GSDME: variants seen among roughly 807,000 people sequenced by gnomAD.
GSDME encodes gasdermin E, also known as gasdermin-E.
A neutral mutation model predicts 47.5 loss-of-function variants in GSDME; 44 were observed. That is an observed-to-expected ratio of 0.93 (90% CI 0.73 to 1.19). GSDME has a LOEUF of 1.19. Ranked by LOEUF, GSDME falls within the 50% of genes most tolerant of loss-of-function variation. The probability of loss-of-function intolerance (pLI) is 0.00; values close to 1 mark genes in which losing one functional copy is unlikely to be tolerated. For missense variants in GSDME, 663 were observed against 604.2 expected, an observed-to-expected ratio of 1.10 and a Z score of -1.02; for synonymous variants, 258 against 252.8, an observed-to-expected ratio of 1.02 and a Z score of -0.20.
chr7:24,722,882 C>T (rs1789840784), intron 3 of GSDME, among the ~76,000 whole-genome samples: 1 of 152,216 alleles, frequency 6.6e-6, no homozygotes, highest in African/African-American at 2.4e-5. Context: ...GAGTCGCTGC[C>T]TTCAAAAGGT....
intron 7 of GSDME, 189 bp downstream of exon 7, chr7:24,707,938 T>G: frequency 3.0e-6 from 2 of 658,640 alleles, no homozygotes; most frequent in South Asian, 4.1e-5. Context: ...CCTAGGAAAT[T>G]AACACCTCCC....
At position 24,742,029 on chromosome 7, in the gene GSDME, T is replaced by C. The variant is rs1562711090; in HGVS notation, c.404+2533A>G. ...TCTGGTGGCACCACTCCCCAGGGCA[T>C]CCCTTCCCCCATCACCACTACAAGT... On this transcript the variant is annotated intron_variant, in intron 3 of 9. Transcript: ENST00000645220. This position sits in a 1 kb window ranked among gnomAD's most constrained non-coding sequence, Gnocchi z 4.4. Among the ~76,000 whole-genome samples the C allele has an allele frequency of 6.6e-6, 1 of 152,114 alleles. No homozygotes were observed. Among genetic ancestry groups the C allele is most frequent in the Non-Finnish European group, 1.5e-5 (1 of 68,022 alleles).
chr7:24,772,415 TG>T, the GSDME span, among the ~76,000 whole-genome samples: 5 of 152,252 alleles, frequency 3.3e-5, no homozygotes, highest in African/African-American at 1.2e-4. This position sits in a 1 kb window ranked among gnomAD's most constrained non-coding sequence, Gnocchi z 4.5. Flanking sequence ...ATTGTGTGTT[TG>T]TTTACTGTCT....
At chr7:24,706,400 G>A (rs542211346) in intron 7 of GSDME, 24 bp from the exon 8 acceptor site, 5 of 1,608,210 alleles carry the variant, frequency 3.1e-6, no homozygotes, top group African/African-American at 1.3e-5. Flanking sequence ...AAGAAGAAGG[G>A]TCATGACACA....
chr7:24,779,977 G>A, the GSDME span, among the ~76,000 whole-genome samples: 1 of 152,280 alleles, frequency 6.6e-6, no homozygotes, highest in Non-Finnish European at 1.5e-5. This position sits in a 1 kb window ranked among gnomAD's most constrained non-coding sequence, Gnocchi z 6.0. Flanking sequence ...CAGGAATGCT[G>A]TCTAGGCTCA....
chr7:24,787,126 C>T, the GSDME span, among the ~76,000 whole-genome samples: 1 of 152,134 alleles, frequency 6.6e-6, no homozygotes, highest in African/African-American at 2.4e-5. The surrounding 1 kb of genome is among the most constrained non-coding windows in gnomAD (Gnocchi z 5.0). Context: ...TGAGGAAACA[C>T]GAGATACTGT....
rs1790642499 is a variant in GSDME, at chr7:24,745,544, C to A, written c.212-790G>T. Reference sequence around the variant, plus strand: ...AAATGATAAATGTCTGATCTCATATCTGAACTGTCAGCCTTCTCACATCTC... The same window carrying A: ...AAATGATAAATGTCTGATCTCATATATGAACTGTCAGCCTTCTCACATCTC... On this transcript the variant is annotated intron_variant, in intron 2 of 9. Coordinates refer to ENST00000645220, the MANE Select transcript of GSDME (RefSeq NM_001127453.2). This position sits in a 1 kb window ranked among gnomAD's most constrained non-coding sequence, Gnocchi z 4.4. Among the ~76,000 whole-genome samples the A allele has an allele frequency of 6.6e-6, 1 of 152,192 alleles. No individual in the cohort carries two copies. Among genetic ancestry groups the A allele is most frequent in the Admixed American group, 6.5e-5 (1 of 15,284 alleles).
intron 5 of GSDME, among the ~76,000 whole-genome samples, chr7:24,715,126 C>T (rs1789499916): frequency 1.3e-5 from 2 of 152,202 alleles, no homozygotes; most frequent in Admixed American, 1.3e-4. Flanking sequence ...ATGCATATCA[C>T]ATGGTCTTCC....
At chr7:24,763,333 G>A in the GSDME span, among the ~76,000 whole-genome samples, 1 of 151,444 alleles carries the variant, frequency 6.6e-6, no homozygotes, top group Non-Finnish European at 1.5e-5. This position sits in a 1 kb window ranked among gnomAD's most constrained non-coding sequence, Gnocchi z 4.3. Context: ...TCACTTTACA[G>A]CTTCTCTTTG....
intron 3 of GSDME, among the ~76,000 whole-genome samples, chr7:24,719,770 G>C (rs185676157): frequency 6.6e-6 from 1 of 151,912 alleles, no homozygotes; most frequent in East Asian, 1.9e-4. Flanking sequence ...TCCAGCCAGG[G>C]CAACAGAGCA....
Position 24,749,629 on chromosome 7 carries a change from G to T in GSDME, c.146C>A (p.Pro49His). ...GGTGAGGGATAAAAACTGGTACTTG[G>T]GTCTCTGCCAGCACCAGAATCTCTT... ...KKKRFWCWQRPKYQFLSLTLG... is the reference protein window; with the variant it reads ...KKKRFWCWQRHKYQFLSLTLG... Residue 49 changes from proline (P) to histidine (H), a missense_variant, in exon 2 of 10, where the codon CCC (proline) becomes CAC (histidine). Pro to His is a moderately conservative substitution (Grantham distance 77). Coordinates refer to ENST00000645220, the MANE Select transcript of GSDME (RefSeq NM_001127453.2). 6.2e-7 allele frequency: 1 copy of T among 1,613,980 alleles called. No homozygotes were observed. The highest frequency in any genetic ancestry group is 8.5e-7 in the Non-Finnish European group (1 of 1,180,010).
At chr7:24,708,902 G>GT (rs903975498) in intron 6 of GSDME, among the ~76,000 whole-genome samples, 1 of 151,864 alleles carries the variant, frequency 6.6e-6, no homozygotes, top group African/African-American at 2.4e-5. Flanking sequence ...TTGTTTTTTG[G>GT]TTTTTTTGTT....
At chr7:24,768,903 T>A in the GSDME span, among the ~76,000 whole-genome samples, 1 of 152,240 alleles carries the variant, frequency 6.6e-6, no homozygotes, top group Non-Finnish European at 1.5e-5. The surrounding 1 kb of genome is among the most constrained non-coding windows in gnomAD (Gnocchi z 5.6). Flanking sequence ...CTCAACACAT[T>A]CATTGAGCCC....
the GSDME span, among the ~76,000 whole-genome samples, chr7:24,777,633 A>G: frequency 7.0e-6 from 1 of 141,998 alleles, no homozygotes; most frequent in Admixed American, 7.1e-5. Flanking sequence ...AGCTTAGCTC[A>G]AGTGTTCTTC....
chr7:24,763,252 G>C, the GSDME span, among the ~76,000 whole-genome samples: 1 of 152,038 alleles, frequency 6.6e-6, no homozygotes. This position sits in a 1 kb window ranked among gnomAD's most constrained non-coding sequence, Gnocchi z 4.3. Context: ...AGAGAGATTT[G>C]GTTCTTGAAA....
rs1790633887 is a variant in GSDME at position 24,745,298 on chromosome 7, G to T, written c.212-544C>A. On this transcript the variant is annotated intron_variant, in intron 2 of 9. Coordinates refer to ENST00000645220, the MANE Select transcript of GSDME (RefSeq NM_001127453.2). This position sits in a 1 kb window ranked among gnomAD's most constrained non-coding sequence, Gnocchi z 4.4. ...CCCTATTCTGGATGCACCGCGAGAG[G>T]ACAGCCTTCCTTGGCCACCTAGGCC... Among the ~76,000 whole-genome samples the T allele has an allele frequency of 6.6e-6, 1 of 152,106 alleles. No individual in the cohort carries two copies. Among genetic ancestry groups the T allele is most frequent in the South Asian group, 2.1e-4 (1 of 4,822 alleles).
At chr7:24,781,369 C>T in the GSDME span, among the ~76,000 whole-genome samples, 11 of 152,260 alleles carry the variant, frequency 7.2e-5, no homozygotes, top group South Asian at 2.1e-4. Flanking sequence ...AGTAAGTGCA[C>T]GTGGGGAAGC....
chr7:24,699,573 C>G (rs746472810), intron 9 of GSDME, among the ~76,000 whole-genome samples: 17 of 152,184 alleles, frequency 1.1e-4, no homozygotes, highest in Non-Finnish European at 2.2e-4. Flanking sequence ...TTCCTGACCT[C>G]AGGTGATCTG....
chr7:24,708,314 C>T (rs1265475231), intron 6 of GSDME, 60 bp from the exon 7 acceptor site: 96 of 1,602,694 alleles, frequency 6.0e-5, no homozygotes, highest in Non-Finnish European at 7.9e-5. Context: ...CGACGTCGGA[C>T]AGCAACTCCT....
Sources: gnomAD v4.1 joint callset for allele counts (sites outside exome capture counted in the v4.1 genomes callset) on GRCh38, gnomAD v4.1.1 for gene constraint, Gnocchi (gnomAD v3.1) non-coding constraint, MANE v1.5 for transcripts, NCBI Gene and HGNC (gene_info 2026-07-23, HGNC 2026-07-21) for gene names.